The following INSL6 variants were observed in gnomAD, a reference collection of about 807,000 sequenced individuals.
INSL6 encodes the protein insulin like 6, also known as insulin-like peptide INSL6.
A neutral mutation model predicts 9.4 loss-of-function variants in INSL6; 16 were observed. That is an observed-to-expected ratio of 1.70 (90% CI 1.15 to 2.59). The LOEUF is 2.59. INSL6 is among the 30% of genes most tolerant of loss of function. INSL6 has a pLI of 0.00. For missense variants in INSL6, 391 were observed against 257.3 expected (o/e 1.52, Z -3.56); for synonymous variants, 154 against 96.9 (o/e 1.59, Z -3.46).
chr9:5,112,661 C>A, the INSL6 span: 1 of 962,416 alleles, frequency 1.0e-6, no homozygotes, highest in Non-Finnish European at 1.5e-6. Context: ...ACTCCTTATC[C>A]TGCACCAGGC....
chr9:5,120,294 C>G (rs1015629466), downstream of INSL6, among the ~76,000 whole-genome samples: 1 of 152,204 alleles, frequency 6.6e-6, no homozygotes, highest in Non-Finnish European at 1.5e-5. Flanking sequence ...GTAATCATCT[C>G]TTAAAGGCCC....
the INSL6 span, among the ~76,000 whole-genome samples, chr9:5,025,024 A>C: frequency 6.6e-6 from 1 of 151,910 alleles, no homozygotes; most frequent in Non-Finnish European, 1.5e-5. Context: ...ATGCTGCACA[A>C]CTTTCCTGCC....
the INSL6 span, chr9:5,091,052 T>C: frequency 1.6e-6 from 1 of 618,626 alleles, no homozygotes. Context: ...TAACTTTTTT[T>C]TTTTAGGTCT....
chr9:5,112,834 C>T, the INSL6 span: 3 of 560,302 alleles, frequency 5.4e-6, no homozygotes, highest in Admixed American at 3.7e-5. Context: ...CCCACAACCC[C>T]GCTGGGCACG....
the INSL6 span, among the ~76,000 whole-genome samples, chr9:5,059,168 C>T: frequency 3.3e-5 from 5 of 152,066 alleles, no homozygotes; most frequent in African/African-American, 9.7e-5. Context: ...GCCACACCCA[C>T]CTCAAAAAAC....
the INSL6 span, among the ~76,000 whole-genome samples, chr9:5,071,438 C>T: frequency 2.2e-4 from 33 of 151,796 alleles, no homozygotes; most frequent in African/African-American, 5.1e-4. Flanking sequence ...ATTGAAACCA[C>T]GGAGAAATAA....
At chr9:5,074,982 A>G in the INSL6 span, among the ~76,000 whole-genome samples, 3 of 152,206 alleles carry the variant, frequency 2.0e-5, no homozygotes, top group African/African-American at 4.8e-5. Flanking sequence ...AAGAAAGTGA[A>G]ACAGTCTTAT....
chr9:5,112,699 G>A, the INSL6 span: 2 of 878,102 alleles, frequency 2.3e-6, no homozygotes, highest in Non-Finnish European at 3.3e-6. Flanking sequence ...ATTTGGAGCA[G>A]CAAGTGCGAG....
At chr9:5,032,053 TC>T in the INSL6 span, among the ~76,000 whole-genome samples, 963 of 152,350 alleles carry the variant, frequency 6.3e-3, 22 homozygotes, top group East Asian at 0.066. Context: ...ATCGGGTCAC[TC>T]CCACTCTAAT....
At chr9:5,104,419 T>G in the INSL6 span, among the ~76,000 whole-genome samples, 1 of 152,066 alleles carries the variant, frequency 6.6e-6, no homozygotes, top group Non-Finnish European at 1.5e-5. Flanking sequence ...GAGGCAATAA[T>G]AGCCTACCAA....
the INSL6 span, among the ~76,000 whole-genome samples, chr9:5,042,514 G>GA: frequency 2.0e-5 from 3 of 151,868 alleles, no homozygotes; most frequent in South Asian, 2.1e-4. Flanking sequence ...AGGAATAAAG[G>GA]AAAAAAAAGA....
chr9:5,120,573 C>T (rs1253000127), downstream of INSL6, among the ~76,000 whole-genome samples: 1 of 152,114 alleles, frequency 6.6e-6, no homozygotes, highest in Non-Finnish European at 1.5e-5. Context: ...TGTAAAAAAT[C>T]GGTGAAACAG....
chr9:5,018,866 T>C, the INSL6 span, among the ~76,000 whole-genome samples: 1 of 152,224 alleles, frequency 6.6e-6, no homozygotes, highest in African/African-American at 2.4e-5. Flanking sequence ...ATGATTCTGC[T>C]GAGAAATCTG....
At chr9:5,175,164 T>G (rs1825270374) in intron 1 of INSL6, among the ~76,000 whole-genome samples, 1 of 151,986 alleles carries the variant, frequency 6.6e-6, no homozygotes, top group South Asian at 2.1e-4. Context: ...ATGGTCTCGA[T>G]CTCCTGACCT....
intron 2 of INSL6, among the ~76,000 whole-genome samples, chr9:5,135,557 A>G (rs953961389): frequency 6.6e-6 from 1 of 152,232 alleles, no homozygotes; most frequent in African/African-American, 2.4e-5. Flanking sequence ...AGATATAAAG[A>G]TGTTCTTTGA....
chr9:5,072,052 G>A, the INSL6 span, among the ~76,000 whole-genome samples: 1 of 152,092 alleles, frequency 6.6e-6, no homozygotes, highest in African/African-American at 2.4e-5. Context: ...AAGAAACCAC[G>A]ACAGCTGCAG....
the INSL6 span, among the ~76,000 whole-genome samples, chr9:5,095,591 C>T: frequency 6.6e-6 from 1 of 152,242 alleles, no homozygotes; most frequent in African/African-American, 2.4e-5. Flanking sequence ...CAGGGAACTT[C>T]TCTAATGTCT....
chr9:5,050,142 T>A, the INSL6 span, among the ~76,000 whole-genome samples: 1 of 152,208 alleles, frequency 6.6e-6, no homozygotes, highest in Non-Finnish European at 1.5e-5. Flanking sequence ...GTAGAAGATA[T>A]AATTTGAAGA....
the INSL6 span, among the ~76,000 whole-genome samples, chr9:5,072,954 GA>G: frequency 9.4e-5 from 14 of 149,334 alleles, no homozygotes; most frequent in East Asian, 2.4e-3. Context: ...ACATTTATTT[GA>G]AAAAAAAACA....
Sources: allele counts gnomAD v4.1 joint callset (sites outside exome capture counted in the v4.1 genomes callset), GRCh38; gene constraint gnomAD v4.1.1; transcripts MANE v1.5; gene names NCBI Gene and HGNC (gene_info 2026-07-23, HGNC 2026-07-21).